Variants in CDK6 observed in about 807,000 individuals in gnomAD.
The protein encoded by CDK6 is cyclin dependent kinase 6.
In CDK6, 6 loss-of-function variants were observed where a neutral mutation model predicts 37.1. The ratio of observed to expected loss-of-function variants is 0.16; its 90% confidence interval spans 0.09 to 0.32. The LOEUF (loss-of-function observed/expected upper bound fraction) is 0.32. Among genes scored for constraint, CDK6 ranks in the 10% least tolerant of loss-of-function variants. CDK6 has a pLI of 1.00. For missense variants in CDK6, 224 were observed against 418.9 expected, an observed-to-expected ratio of 0.53 and a Z score of 4.06; for synonymous variants, 160 against 161.3, an observed-to-expected ratio of 0.99 and a Z score of 0.06.
At chr7:92,672,761 A>G (rs1007271248) in intron 4 of CDK6, among the ~76,000 whole-genome samples, 4 of 152,072 alleles carry the variant, frequency 2.6e-5, no homozygotes, top group African/African-American at 9.7e-5. Context: ...TGTTTTGTCT[A>G]GTTGTATTAT....
chr7:92,764,051 T>TA (rs1465118147), intron 3 of CDK6, among the ~76,000 whole-genome samples: 6 of 151,872 alleles, frequency 4.0e-5, no homozygotes, highest in Non-Finnish European at 5.9e-5. Flanking sequence ...TCTGTTGGGT[T>TA]TAAAAAAAAA....
In CDK6 at chr7:92,612,096, A is replaced by C. The variant is rs1320780781; in HGVS notation, c.*3044T>G. The C allele has an allele frequency of 4.3e-6, 1 of 232,858 alleles. No individual in the cohort carries two copies. The highest frequency in any genetic ancestry group is 8.5e-6 in the Non-Finnish European group (1 of 117,856). 14.4% of individuals were successfully genotyped at this position (232,858 alleles called of 1,614,324 possible). A position where few individuals can be genotyped will look rare whatever the true frequency, so the allele number is the denominator to read the frequency against. ...ATTTCTTATGAAAGCTAAATGGACA[A>C]GTTTCTCTTTTTCTCTTTTTATATG... On this transcript the variant is annotated 3_prime_UTR_variant, in exon 8 of 8. Coordinates refer to ENST00000424848, the MANE Select transcript of CDK6 (RefSeq NM_001145306.2).
chr7:92,784,921 A>G (rs1427330145), intron 2 of CDK6, among the ~76,000 whole-genome samples: 2 of 152,240 alleles, frequency 1.3e-5, no homozygotes, highest in African/African-American at 4.8e-5. Context: ...CATTCTGAGT[A>G]AGCCAGATTT....
At chr7:92,823,188 T>C (rs778601114) in intron 2 of CDK6, among the ~76,000 whole-genome samples, 2 of 151,722 alleles carry the variant, frequency 1.3e-5, no homozygotes, top group Non-Finnish European at 2.9e-5. Context: ...AGGATTGGAT[T>C]GGTACCACCG....
intron 3 of CDK6, among the ~76,000 whole-genome samples, chr7:92,738,155 A>C (rs533512250): frequency 6.6e-6 from 1 of 152,232 alleles, no homozygotes; most frequent in East Asian, 1.9e-4. Flanking sequence ...ACTCCTCACT[A>C]ACAACTTCTT....
At chr7:92,832,997 C>A in intron 2 of CDK6, 94 bp downstream of exon 2, 1 of 882,136 alleles carries the variant, frequency 1.1e-6, no homozygotes. Context: ...CAGTCGCCCT[C>A]TGCCCCGCAC....
At chr7:92,799,160 C>T (rs1389293416) in intron 2 of CDK6, among the ~76,000 whole-genome samples, 3 of 152,174 alleles carry the variant, frequency 2.0e-5, no homozygotes, top group African/African-American at 7.2e-5. Flanking sequence ...GAATGACAGT[C>T]TACACTTTGT....
chr7:92,746,785 G>A (rs547046182), intron 3 of CDK6, among the ~76,000 whole-genome samples: 121 of 152,158 alleles, frequency 8.0e-4, no homozygotes, highest in African/African-American at 2.8e-3. Context: ...GCCTCAATAT[G>A]ATGGGGGAAA....
intron 5 of CDK6, among the ~76,000 whole-genome samples, chr7:92,627,677 T>C (rs1204216465): frequency 1.3e-5 from 2 of 152,042 alleles, no homozygotes; most frequent in African/African-American, 4.8e-5. Context: ...GCGTTTCTTT[T>C]TGGGGAGATA....
rs189823030 is a variant in CDK6 at position 92,732,934 on chromosome 7, A to G, written c.370-7141T>C. Among the ~76,000 whole-genome samples, 51 of 152,286 alleles carry G rather than the reference A, an allele frequency of 3.3e-4. No individual in the cohort carries two copies. The Middle Eastern group carries it at 0.01, about 30-fold the overall frequency. ...AGAGTCTGGGTCTTTGATGACATCA[A>G]TGAATAGCTGCATCAACTTTAGGGC... is the stretch of plus-strand genomic sequence containing the variant. On this transcript the variant is annotated intron_variant, in intron 3 of 7. Transcript: ENST00000424848.
chr7:92,721,403 A>G (rs1798361494), intron 4 of CDK6, among the ~76,000 whole-genome samples: 1 of 152,176 alleles, frequency 6.6e-6, no homozygotes, highest in Non-Finnish European at 1.5e-5. Flanking sequence ...GAAGGGAGAC[A>G]AGGCTGGAGT....
chr7:92,630,352 G>C (rs1020616225), intron 5 of CDK6, among the ~76,000 whole-genome samples: 1 of 151,132 alleles, frequency 6.6e-6, no homozygotes, highest in Non-Finnish European at 1.5e-5. Flanking sequence ...CAATCACACT[G>C]TTCAGGGGGA....
intron 4 of CDK6, among the ~76,000 whole-genome samples, chr7:92,697,998 C>T (rs1016885953): frequency 3.3e-5 from 5 of 151,806 alleles, no homozygotes; most frequent in East Asian, 1.9e-4. Flanking sequence ...CAGTCTGGGC[C>T]CCTCACTCCT....
chr7:92,799,418 A>G (rs998803790), intron 2 of CDK6, among the ~76,000 whole-genome samples: 1 of 149,434 alleles, frequency 6.7e-6, no homozygotes, highest in Non-Finnish European at 1.5e-5. Context: ...TTCTCCCTCT[A>G]CTTCTCTTGT....
At chr7:92,638,397 T>C (rs1032514519) in intron 5 of CDK6, among the ~76,000 whole-genome samples, 3 of 152,360 alleles carry the variant, frequency 2.0e-5, no homozygotes, top group African/African-American at 7.2e-5. Flanking sequence ...CATGTCTTAC[T>C]GACCCACTCA....
intron 2 of CDK6, among the ~76,000 whole-genome samples, chr7:92,818,913 T>C (rs1265232382): frequency 6.6e-6 from 1 of 151,922 alleles, no homozygotes; most frequent in Non-Finnish European, 1.5e-5. Context: ...AATAAAAAGA[T>C]TGACAGTCCC....
At chr7:92,621,375 A>G (rs1318014243) in intron 6 of CDK6, among the ~76,000 whole-genome samples, 1 of 152,214 alleles carries the variant, frequency 6.6e-6, no homozygotes. Flanking sequence ...TTTCTTTGGA[A>G]GCAGGTCAAA....
chr7:92,779,090 T>C (rs924111657), intron 2 of CDK6, among the ~76,000 whole-genome samples: 2 of 152,052 alleles, frequency 1.3e-5, no homozygotes, highest in Non-Finnish European at 2.9e-5. Context: ...ACCCTGGCAG[T>C]ATGCCCTGTT....
intron 6 of CDK6, 126 bp from the exon 7 acceptor site, chr7:92,618,333 C>T (rs1795726458): frequency 1.2e-6 from 1 of 837,994 alleles, no homozygotes; most frequent in African/African-American, 1.7e-5. Flanking sequence ...GAGACCTTCA[C>T]TTTATCACTG....
Sources: gnomAD v4.1 joint callset for allele counts (sites outside exome capture counted in the v4.1 genomes callset) on GRCh38, gnomAD v4.1.1 for gene constraint, MANE v1.5 for transcripts, NCBI Gene and HGNC (gene_info 2026-07-23, HGNC 2026-07-21) for gene names.